OAS3: variants seen among roughly 807,000 people sequenced by gnomAD.
OAS3 encodes 2'-5'-oligoadenylate synthetase 3, also known as 2'-5'-oligoadenylate synthase 3.
In OAS3, 107 loss-of-function variants were observed where a neutral mutation model predicts 113.0. The observed-to-expected ratio is 0.95, with a 90% confidence interval of 0.81 to 1.11. The LOEUF (loss-of-function observed/expected upper bound fraction) is 1.11. OAS3 is among the 50% of genes most tolerant of loss of function. The pLI, the probability that OAS3 is intolerant of heterozygous loss-of-function variation, is 0.00. For missense variants in OAS3, 1,258 were observed against 1,389.1 expected (o/e 0.91, Z 1.50); for synonymous variants, 552 against 573.6 (o/e 0.96, Z 0.54).
intron 7 of OAS3, among the ~76,000 whole-genome samples, chr12:112,956,081 G>A (rs774035040): frequency 9.9e-5 from 15 of 152,036 alleles, no homozygotes; most frequent in Non-Finnish European, 1.6e-4. Flanking sequence ...GTCTGTGTCC[G>A]GGAATTTATC....
rs765795084 is a variant in OAS3 at position 112,963,527 on chromosome 12, C to G, written c.2229+70C>G. The G allele has an allele frequency of 1.8e-5, 25 of 1,365,958 alleles. No homozygotes were observed. The highest frequency in any genetic ancestry group is 2.4e-5 in the Non-Finnish European group (25 of 1,044,604). 84.6% of individuals were successfully genotyped at this position (1,365,958 alleles called of 1,614,324 possible). ...TTCTAGTCAGGTTCCCTTAACCTGCCGGTGCACCCATCCCCAGCTGCTAGG... is the reference window on the plus strand; with the variant it reads ...TTCTAGTCAGGTTCCCTTAACCTGCGGGTGCACCCATCCCCAGCTGCTAGG... On this transcript the variant is annotated intron_variant, in intron 10 of 15. Coordinates refer to ENST00000228928, the MANE Select transcript of OAS3 (RefSeq NM_006187.4). This position sits in a 1 kb window ranked among gnomAD's most constrained non-coding sequence, Gnocchi z 4.6.
intron 1 of OAS3, 24 bp from the exon 2 acceptor site, chr12:112,941,546 T>C: frequency 1.2e-6 from 2 of 1,604,476 alleles, no homozygotes; most frequent in East Asian, 2.2e-5. Context: ...AGTATGAAAT[T>C]CTGAGTTATT....
chr12:112,970,531 T>C lies in OAS3; in HGVS notation c.*558T>C, dbSNP rs1482093598. ...CAATTAGCTGAGAAGAATTATCTAA[T>C]CAATTAGTGATGTCTGCCATGGATG... On this transcript the variant is annotated 3_prime_UTR_variant, in exon 16 of 16. Coordinates refer to ENST00000228928, the MANE Select transcript of OAS3 (RefSeq NM_006187.4). 1.8e-5 allele frequency: 3 copies of C among 163,926 alleles called. No individual in the cohort carries two copies. The highest frequency in any genetic ancestry group is 2.7e-5 in the Non-Finnish European group (2 of 74,746). 10.2% of individuals were successfully genotyped at this position (163,926 alleles called of 1,614,324 possible).
chr12:112,962,631 G>T (rs1165860344), intron 8 of OAS3, 21 bp from the exon 9 acceptor site: 2 of 1,608,814 alleles, frequency 1.2e-6, no homozygotes, highest in East Asian at 2.2e-5. Flanking sequence ...ACTCATCTTT[G>T]GTTGGCCTTG....
Position 112,963,267 on chromosome 12 carries a change from T to C in OAS3, c.2085-46T>C. On this transcript the variant is annotated intron_variant, in intron 9 of 15. Transcript: ENST00000228928. This position sits in a 1 kb window ranked among gnomAD's most constrained non-coding sequence, Gnocchi z 4.6. ...TCAGCCCTTCCACCCGCCTCCTCTT[T>C]CACTGACTCCCACCTTCCCCACCCA... 1 of 1,519,950 alleles carries C rather than the reference T, an allele frequency of 6.6e-7. No individual in the cohort carries two copies. The highest frequency in any genetic ancestry group is 8.9e-7 in the Non-Finnish European group (1 of 1,129,040). 94.2% of individuals were successfully genotyped at this position (1,519,950 alleles called of 1,614,324 possible). A position where few individuals can be genotyped will look rare whatever the true frequency, so the allele number is the denominator to read the frequency against.
rs1371871682 is a variant in OAS3, at chr12:112,967,970, C to A, written c.2900C>A (p.Pro967His). 3 of 1,613,836 alleles carry A rather than the reference C, an allele frequency of 1.9e-6. No homozygotes were observed. The Admixed American group carries it at 5.0e-5, about 27-fold the overall frequency. ...TKISKGRGSL[P>H]PQHGLELLTV... ...ATCTCCAAGGGGAGAGGCTCCCTACCCCCACAGCACGGGCTGGAACTCCTG... is the reference window on the plus strand; with the variant it reads ...ATCTCCAAGGGGAGAGGCTCCCTACACCCACAGCACGGGCTGGAACTCCTG... The change falls in exon 14 of 16, where the codon CCC (proline) becomes CAC (histidine). Residue 967 changes from proline to histidine, a missense_variant. By Grantham distance (77) the Pro-to-His change is moderately conservative. Coordinates refer to ENST00000228928, the MANE Select transcript of OAS3 (RefSeq NM_006187.4).
chr12:112,948,565 T>C (rs2043755580), intron 5 of OAS3, among the ~76,000 whole-genome samples: 1 of 148,410 alleles, frequency 6.7e-6, no homozygotes, highest in Non-Finnish European at 1.5e-5. Context: ...ATCACCAAGC[T>C]CAAGCTGAAA....
chr12:112,964,544 G>C (rs1015130560), intron 11 of OAS3, 136 bp downstream of exon 11: 1 of 879,844 alleles, frequency 1.1e-6, no homozygotes, highest in African/African-American at 1.7e-5. Flanking sequence ...GCTGGAAAGT[G>C]GTCATGGGAG....
chr12:112,966,172 C>A (rs1205855286), intron 12 of OAS3, 143 bp downstream of exon 12: 5 of 897,782 alleles, frequency 5.6e-6, no homozygotes, highest in Non-Finnish European at 8.3e-6. Flanking sequence ...TTCATCACAA[C>A]TTTCCTGCAA....
In OAS3 at chr12:112,941,542, A is replaced by G. The variant is rs574618474; in HGVS notation, c.178-28A>G. On this transcript the variant is annotated intron_variant, in intron 1 of 15. Transcript: ENST00000228928. ...AAGGCCACTAGAATTGGACAGTATG[A>G]AATTCTGAGTTATTTTTCTTTGCCC... 4.4e-5 allele frequency: 70 copies of G among 1,602,532 alleles called. No individual in the cohort carries two copies. In the South Asian group the frequency reaches 6.2e-4, roughly 14 times the overall value.
Position 112,950,727 on chromosome 12 carries a change from A to G in OAS3, c.1409A>G (p.Asp470Gly), listed in dbSNP as rs2043782633. 4 of 1,613,952 alleles carry G rather than the reference A, an allele frequency of 2.5e-6. No homozygotes were observed. The highest frequency in any genetic ancestry group is 3.4e-6 in the Non-Finnish European group (4 of 1,179,890). The stretch of plus-strand genomic sequence containing the variant: ...TTTGGCCGGGGCACAGACCTAAGGG[A>G]TGGCTGTGATGTTGAACTCATCATC... Reference protein sequence around the residue: ...GSFGRGTDLRDGCDVELIIFL... With the variant: ...GSFGRGTDLRGGCDVELIIFL... The change falls in exon 7 of 16, where the codon GAT becomes GGT. Residue 470 changes from aspartate (D) to glycine (G), a missense_variant. Asp to Gly is a moderately conservative substitution (Grantham distance 94). Coordinates refer to ENST00000228928, the MANE Select transcript of OAS3 (RefSeq NM_006187.4).
intron 13 of OAS3, 122 bp from the exon 14 acceptor site, chr12:112,967,814 G>T (rs1355931966): frequency 1.7e-6 from 2 of 1,197,644 alleles, no homozygotes; most frequent in African/African-American, 3.1e-5. Flanking sequence ...GCATGGCAAG[G>T]CATCTGGCAC....
At chr12:112,948,257 A>C (rs952511153) in intron 5 of OAS3, among the ~76,000 whole-genome samples, 158 bp downstream of exon 5, 9 of 152,122 alleles carry the variant, frequency 5.9e-5, no homozygotes, top group African/African-American at 2.2e-4. Context: ...ACACATTGGG[A>C]GGCCGAGGTG....
In OAS3 at chr12:112,972,877, T is replaced by C. The variant is rs1231300524; in HGVS notation, c.*2904T>C. ...TAAGAAATGCAGGACTGCAAAGAAA[T>C]TGGTGTGTGTGTGTGTGTGTGTGTG... On this transcript the variant is annotated 3_prime_UTR_variant, in exon 16 of 16. Coordinates refer to ENST00000228928, the MANE Select transcript of OAS3 (RefSeq NM_006187.4). 3 of 129,370 alleles carry C rather than the reference T, an allele frequency of 2.3e-5. No individual in the cohort carries two copies. Among genetic ancestry groups the C allele is most frequent in the African/African-American group, 1.0e-4 (3 of 30,008 alleles). The allele number at this position is 129,370 out of a possible 1,614,324, so 8.0% of individuals were successfully genotyped here. A position where few individuals can be genotyped will look rare whatever the true frequency, so the allele number is the denominator to read the frequency against.
At chr12:112,966,553 T>C (rs561041133) in intron 12 of OAS3, among the ~76,000 whole-genome samples, 1 of 152,358 alleles carries the variant, frequency 6.6e-6, no homozygotes, top group South Asian at 2.1e-4. Context: ...CTCAGTTTGA[T>C]TAGCAGTTTT....
At chr12:112,959,982 G>C (rs1164849076) in intron 7 of OAS3, among the ~76,000 whole-genome samples, 1 of 151,982 alleles carries the variant, frequency 6.6e-6, no homozygotes, top group Non-Finnish European at 1.5e-5. Context: ...TCAAATTCTT[G>C]AGGTGCTAAT....
intron 11 of OAS3, 24 bp downstream of exon 11, chr12:112,964,432 C>G: frequency 1.9e-6 from 3 of 1,601,338 alleles, no homozygotes; most frequent in Non-Finnish European, 2.6e-6. Flanking sequence ...GAGCTGTAGG[C>G]AAGCAGTGTC....
At chr12:112,967,393 A>T (rs781055124) in intron 12 of OAS3, 25 bp from the exon 13 acceptor site, 19 of 1,599,584 alleles carry the variant, frequency 1.2e-5, no homozygotes, top group Non-Finnish European at 1.4e-5. Flanking sequence ...AGCCGGAGTG[A>T]TGGTAACCAT....
rs1336421595 is a variant in OAS3, at chr12:112,949,088, C to G, written c.1257C>G (p.Phe419Leu). ...SQIPTKELDRFIQDHLKPSPQ... is the reference protein window; with the variant it reads ...SQIPTKELDRLIQDHLKPSPQ... ...TCCCCACCAAGGAGCTGGACCGCTT[C>G]ATCCAGGACCACCTGAAGCCGAGCC... is the stretch of plus-strand genomic sequence containing the variant. The change falls in exon 6 of 16, where the codon TTC becomes TTG. Residue 419 changes from phenylalanine (F) to leucine (L), a missense_variant. By Grantham distance (22) the Phe-to-Leu change is conservative (BLOSUM62 0). Coordinates refer to ENST00000228928, the MANE Select transcript of OAS3 (RefSeq NM_006187.4). The G allele has an allele frequency of 6.8e-6, 11 of 1,613,912 alleles. No individual in the cohort carries two copies. The highest frequency in any genetic ancestry group is 1.7e-5 in the Admixed American group (1 of 60,014).
Sources: allele counts gnomAD v4.1 joint callset (sites outside exome capture counted in the v4.1 genomes callset), GRCh38; gene constraint gnomAD v4.1.1; non-coding constraint Gnocchi (gnomAD v3.1); transcripts MANE v1.5; gene names NCBI Gene and HGNC (gene_info 2026-07-23, HGNC 2026-07-21).